Variants in DNAJC6 observed in about 807,000 individuals in gnomAD.
The protein encoded by DNAJC6 is auxilin.
A neutral mutation model predicts 110.0 loss-of-function variants in DNAJC6; 34 were observed. The ratio of observed to expected loss-of-function variants is 0.31; its 90% CI spans 0.24 to 0.41. The LOEUF (loss-of-function observed/expected upper bound fraction) is 0.41, where lower values mean the gene tolerates loss of function less well. DNAJC6 is among the 10% of genes least tolerant of loss of function. DNAJC6 has a pLI of 1.00. For missense variants in DNAJC6, 1,031 were observed against 1,207.8 expected (o/e 0.85, Z 2.17); for synonymous variants, 406 against 437.2 (o/e 0.93, Z 0.89).
At chr1:65,340,085 AAG>A (rs1645375046) in intron 1 of DNAJC6, among the ~76,000 whole-genome samples, 1 of 152,196 alleles carries the variant, frequency 6.6e-6, no homozygotes, top group Non-Finnish European at 1.5e-5. Context: ...ATTTTATAGA[AAG>A]AGACTTTGTC....
rs202225808 is a variant in DNAJC6 at position 65,389,552 on chromosome 1, G to T, written c.1393G>T (p.Ala465Ser). ...ATGGTCTTTTTGTCTTGCAGGACAGGCTCCAATAGATATCCCTCCAGACAA... is the reference window on the plus strand; with the variant it reads ...ATGGTCTTTTTGTCTTGCAGGACAGTCTCCAATAGATATCCCTCCAGACAA... Reference protein sequence around the residue: ...HQDTLALGGQAPIDIPPDNPR... With the variant: ...HQDTLALGGQSPIDIPPDNPR... Residue 465 changes from alanine to serine, a missense_variant, in exon 11 of 19, where the codon GCT becomes TCT. Physicochemically the swap from Ala to Ser is moderately conservative, Grantham distance 99. Transcript: ENST00000371069. 1 of 1,614,120 alleles carries T rather than the reference G, an allele frequency of 6.2e-7. No homozygotes were observed. Among genetic ancestry groups the T allele is most frequent in the South Asian group, 1.1e-5 (1 of 91,088 alleles).
intron 1 of DNAJC6, among the ~76,000 whole-genome samples, chr1:65,355,882 C>CTTTTTT (rs372078909): frequency 1.8e-4 from 15 of 82,848 alleles, no homozygotes; most frequent in East Asian, 4.0e-4. Flanking sequence ...AACAGCATGG[C>CTTTTTT]TTTTTTTTTT....
At position 65,395,019 on chromosome 1, in the gene DNAJC6, G is replaced by T. The variant is rs185245369; in HGVS notation, c.2025G>T (p.Ser675=). 5.6e-6 allele frequency: 9 copies of T among 1,609,822 alleles called. No individual in the cohort carries two copies. Among genetic ancestry groups the T allele is most frequent in the Non-Finnish European group, 7.6e-6 (9 of 1,178,724 alleles). Residue 675 remains serine, a synonymous_variant, in exon 13 of 19, where the codon TCG becomes TCT. Transcript: ENST00000371069. ...TTCTCCAGCCAACAAGAAGTCCTTC[G>T]CCCACAGTACATGGTAAGGAAATAT... ...DPFLQPTRSP[S]PTVHASSTPA...
intron 6 of DNAJC6, among the ~76,000 whole-genome samples, chr1:65,385,013 G>T (rs1645857843): frequency 6.6e-6 from 1 of 152,200 alleles, no homozygotes; most frequent in South Asian, 2.1e-4. Flanking sequence ...AGTGGACAGA[G>T]CCAGAACAGC....
At chr1:65,272,095 G>GC (rs1653525206) in intron 1 of DNAJC6, among the ~76,000 whole-genome samples, 1 of 151,922 alleles carries the variant, frequency 6.6e-6, no homozygotes, top group East Asian at 1.9e-4. Flanking sequence ...TTATAATGTT[G>GC]AATAGAAGCA....
At chr1:65,378,277 C>CT in intron 4 of DNAJC6, among the ~76,000 whole-genome samples, 1 of 152,300 alleles carries the variant, frequency 6.6e-6, no homozygotes, top group South Asian at 2.1e-4. Context: ...GAGAGTCATT[C>CT]TCCTCCTTAA....
chr1:65,395,132 A>G (rs1570369171), intron 13 of DNAJC6, 100 bp downstream of exon 13: 3 of 1,250,160 alleles, frequency 2.4e-6, no homozygotes, highest in East Asian at 2.7e-5. Flanking sequence ...CTTTTTTGAT[A>G]AAAGCTTCCT....
At chr1:65,351,826 C>T (rs1001532741) in intron 1 of DNAJC6, among the ~76,000 whole-genome samples, 31 of 152,044 alleles carry the variant, frequency 2.0e-4, no homozygotes, top group African/African-American at 7.5e-4. Context: ...AGTGCAGTGG[C>T]GCGATCTCGG....
chr1:65,376,825 A>G (rs4916047), intron 4 of DNAJC6, among the ~76,000 whole-genome samples: 62,713 of 151,958 alleles, frequency 0.41, 13,794 homozygotes, highest in Middle Eastern at 0.54. Context: ...GCTAGAGTGC[A>G]ATGGTGTGAT....
intron 1 of DNAJC6, among the ~76,000 whole-genome samples, chr1:65,287,279 AGTG>A (rs563288359): frequency 2.2e-3 from 337 of 152,344 alleles, no homozygotes; most frequent in African/African-American, 8.0e-3. Flanking sequence ...CAAATGAAGT[AGTG>A]GTAATGTAAA....
chr1:65,407,142 G>A lies in DNAJC6; in HGVS notation c.2491+1009G>A, dbSNP rs78370367. 5.3e-3 allele frequency among the ~76,000 whole-genome samples: 813 copies of A among 152,132 alleles called. 6 individuals are homozygous for A. Among genetic ancestry groups the A allele is most frequent in the African/African-American group, 0.018 (760 of 41,458 alleles). On this transcript the variant is annotated intron_variant, in intron 16 of 18. Transcript: ENST00000371069. ...ATTATGAGTAGCGTGATGAAACCTC[G>A]CACTGTCTTACTCCATCCTGCCTAG...
At chr1:65,379,283 C>A (rs765037512) in intron 4 of DNAJC6, 119 bp from the exon 5 acceptor site, 33 of 1,281,158 alleles carry the variant, frequency 2.6e-5, no homozygotes, top group Non-Finnish European at 3.3e-5. Flanking sequence ...TCCCACTATT[C>A]CTATCTATAT....
intron 1 of DNAJC6, among the ~76,000 whole-genome samples, chr1:65,352,802 G>C (rs1645504544): frequency 6.6e-6 from 1 of 152,196 alleles, no homozygotes; most frequent in African/African-American, 2.4e-5. Context: ...CTTGGTAGAA[G>C]GGGAGGAGCT....
intron 1 of DNAJC6, among the ~76,000 whole-genome samples, chr1:65,353,840 G>C (rs1645515357): frequency 6.6e-6 from 1 of 152,086 alleles, no homozygotes; most frequent in African/African-American, 2.4e-5. Context: ...AGTGGGTGCA[G>C]TGTTGCAATC....
chr1:65,394,273 T>A (rs550766232), intron 12 of DNAJC6, among the ~76,000 whole-genome samples: 1 of 152,282 alleles, frequency 6.6e-6, no homozygotes, highest in South Asian at 2.1e-4. Context: ...ATGTATTGAT[T>A]GACCTGTCTG....
intron 1 of DNAJC6, among the ~76,000 whole-genome samples, chr1:65,323,251 C>T (rs528010244): frequency 3.9e-5 from 6 of 152,318 alleles, no homozygotes; most frequent in South Asian, 2.1e-4. Context: ...AATCTCATCT[C>T]GAATTGTAAT....
chr1:65,271,858 G>A (rs1367158181), intron 1 of DNAJC6, among the ~76,000 whole-genome samples: 20 of 131,234 alleles, frequency 1.5e-4, no homozygotes, highest in African/African-American at 5.4e-4. Context: ...GCAACAGAGC[G>A]AGACTCCATC....
Position 65,332,849 on chromosome 1 carries a change from C to T in DNAJC6, c.193+22911C>T, listed in dbSNP as rs967881663. ...TATTTAAGTGACTCTTTCCTCTTAA[C>T]GTACATTCAAATACTTAGAGGGTTA... On this transcript the variant is annotated intron_variant, in intron 1 of 18. Coordinates refer to ENST00000371069, the MANE Select transcript of DNAJC6 (RefSeq NM_001256864.2). Among the ~76,000 whole-genome samples the T allele has an allele frequency of 2.6e-5, 4 of 152,254 alleles. No individual in the cohort carries two copies. The East Asian group carries it at 7.7e-4, about 29-fold the overall frequency.
At chr1:65,374,812 T>C (rs768950305) in intron 4 of DNAJC6, among the ~76,000 whole-genome samples, 8 of 152,156 alleles carry the variant, frequency 5.3e-5, no homozygotes, top group Non-Finnish European at 1.5e-5. Context: ...ACTTCCAGTA[T>C]TATGTTGAAT....
Sources: allele counts gnomAD v4.1 joint callset (sites outside exome capture counted in the v4.1 genomes callset), GRCh38; gene constraint gnomAD v4.1.1; transcripts MANE v1.5; gene names NCBI Gene and HGNC (gene_info 2026-07-23, HGNC 2026-07-21).